KCNH5: variants seen among roughly 807,000 people sequenced by gnomAD.
KCNH5 encodes voltage-gated delayed rectifier potassium channel KCNH5.
In KCNH5, 46 loss-of-function variants were observed where a neutral mutation model predicts 96.1. The observed-to-expected ratio is 0.48, with a 90% CI of 0.38 to 0.61. KCNH5 has a LOEUF of 0.61. KCNH5 is among the 20% of genes least tolerant of loss of function. KCNH5 has a pLI of 0.00. For missense variants in KCNH5, 907 were observed against 1,225.8 expected, an observed-to-expected ratio of 0.74 and a Z score of 3.88; for synonymous variants, 439 against 449.8, an observed-to-expected ratio of 0.98 and a Z score of 0.30.
chr14:62,970,073 T>TAAAAAAAAAAAAA (rs1284748914), intron 6 of KCNH5, among the ~76,000 whole-genome samples: 45 of 112,134 alleles, frequency 4.0e-4, no homozygotes, highest in Non-Finnish European at 4.8e-4. Flanking sequence ...AAAAAAAAAT[T>TAAAAAAAAAAAAA]AAATCAATAA....
intron 10 of KCNH5, among the ~76,000 whole-genome samples, chr14:62,741,498 G>A (rs10147738): frequency 0.051 from 7,783 of 152,082 alleles, 604 homozygotes; most frequent in African/African-American, 0.17. Flanking sequence ...ATTGTAAAAG[G>A]TGTTGCATCT....
At chr14:62,739,991 G>C (rs934775675) in intron 10 of KCNH5, among the ~76,000 whole-genome samples, 5 of 152,120 alleles carry the variant, frequency 3.3e-5, no homozygotes, top group African/African-American at 1.2e-4. Context: ...AACATCTGAA[G>C]CAGCACTGTT....
chr14:62,726,112 C>T (rs577738618), intron 10 of KCNH5, among the ~76,000 whole-genome samples: 1 of 152,232 alleles, frequency 6.6e-6, no homozygotes, highest in East Asian at 1.9e-4. Flanking sequence ...ATAGATGTAT[C>T]TTGACCTTTA....
chr14:62,853,870 G>A (rs1414176976), intron 7 of KCNH5, among the ~76,000 whole-genome samples: 3 of 151,848 alleles, frequency 2.0e-5, no homozygotes, highest in Non-Finnish European at 4.4e-5. Flanking sequence ...AGCTGGGCAT[G>A]GTGGTGCACA....
At chr14:62,906,818 C>CAAGAA (rs1157340219) in intron 7 of KCNH5, among the ~76,000 whole-genome samples, 8 of 152,064 alleles carry the variant, frequency 5.3e-5, no homozygotes, top group Admixed American at 5.2e-4. Flanking sequence ...TCCTCATCAG[C>CAAGAA]AAGAAATGTA....
intron 4 of KCNH5, among the ~76,000 whole-genome samples, chr14:62,991,680 T>C (rs990707494): frequency 6.6e-6 from 1 of 152,052 alleles, no homozygotes; most frequent in African/African-American, 2.4e-5. Flanking sequence ...TCTTTTTATT[T>C]GACTCTGATT....
At chr14:62,971,334 C>T (rs1263981268) in intron 6 of KCNH5, among the ~76,000 whole-genome samples, 1 of 151,996 alleles carries the variant, frequency 6.6e-6, no homozygotes, top group African/African-American at 2.4e-5. Flanking sequence ...AGGAAAACTA[C>T]AAAACTGATG....
At chr14:63,013,746 G>C (rs1298955430) in intron 2 of KCNH5, among the ~76,000 whole-genome samples, 1 of 151,816 alleles carries the variant, frequency 6.6e-6, no homozygotes, top group Non-Finnish European at 1.5e-5. Flanking sequence ...TTCATTTTAG[G>C]CTTTTTTTTA....
In KCNH5 at chr14:62,703,791, T is replaced by C. The variant is rs1427093938; in HGVS notation, c.*3717A>G. 6.6e-6 allele frequency: 1 copy of C among 151,878 alleles called. No individual in the cohort carries two copies. Among genetic ancestry groups the C allele is most frequent in the African/African-American group, 2.4e-5 (1 of 41,420 alleles). 9.4% of individuals were successfully genotyped at this position (151,878 alleles called of 1,614,324 possible). On this transcript the variant is annotated 3_prime_UTR_variant, in exon 11 of 11. Coordinates refer to ENST00000322893, the MANE Select transcript of KCNH5 (RefSeq NM_139318.5). ...GTATGATATGCACATTCTAGATAAATGTTCTCATTACCTACATGGAATTTT... is the reference window on the plus strand; with the variant it reads ...GTATGATATGCACATTCTAGATAAACGTTCTCATTACCTACATGGAATTTT...
chr14:62,843,153 T>A (rs1223635162), intron 8 of KCNH5, among the ~76,000 whole-genome samples: 1 of 152,182 alleles, frequency 6.6e-6, no homozygotes, highest in East Asian at 1.9e-4. Context: ...TAACTACCCA[T>A]CATATAACAA....
chr14:62,719,622 G>C (rs868509678), intron 10 of KCNH5, among the ~76,000 whole-genome samples: 1 of 152,216 alleles, frequency 6.6e-6, no homozygotes, highest in African/African-American at 2.4e-5. Flanking sequence ...GTACAGAATG[G>C]CTAGATTGGT....
intron 2 of KCNH5, among the ~76,000 whole-genome samples, chr14:63,015,164 G>C (rs188285125): frequency 2.2e-4 from 33 of 152,170 alleles, no homozygotes; most frequent in Admixed American, 1.4e-3. Context: ...GGAAGAGAAT[G>C]TTTGAGCAGA....
At chr14:62,727,486 C>T (rs1157487669) in intron 10 of KCNH5, among the ~76,000 whole-genome samples, 1 of 152,034 alleles carries the variant, frequency 6.6e-6, no homozygotes, top group Non-Finnish European at 1.5e-5. Context: ...ATGCTGAGTA[C>T]ATGTATGTGT....
rs1171572349 is a variant in KCNH5, at chr14:62,840,778, C to T, written c.1569+8875G>A. Among the ~76,000 whole-genome samples the T allele has an allele frequency of 1.3e-5, 2 of 151,736 alleles. 1 individual carries two copies. Among genetic ancestry groups the T allele is most frequent in the South Asian group, 4.1e-4 (2 of 4,822 alleles). ...AGAGACAGGGTTTCACCATGTTGTC[C>T]AGGATGGTCTCGCTCCTGACCTCAT... On this transcript the variant is annotated intron_variant, in intron 8 of 10. Transcript: ENST00000322893.
At chr14:62,803,173 G>A (rs1886700151) in intron 8 of KCNH5, among the ~76,000 whole-genome samples, 1 of 152,122 alleles carries the variant, frequency 6.6e-6, no homozygotes, top group Non-Finnish European at 1.5e-5. Flanking sequence ...AAACAGTTTT[G>A]AGGTGGTCAA....
intron 7 of KCNH5, among the ~76,000 whole-genome samples, chr14:62,935,267 A>C (rs983089460): frequency 1.3e-5 from 2 of 152,240 alleles, no homozygotes; most frequent in Non-Finnish European, 2.9e-5. Context: ...AAATACATTT[A>C]TCTCTTCAAG....
At position 63,033,710 on chromosome 14, in the gene KCNH5, A is replaced by G. The variant is rs1323406374; in HGVS notation, c.73+11404T>C. Among the ~76,000 whole-genome samples, 4 of 152,250 alleles carry G rather than the reference A, an allele frequency of 2.6e-5. No individual in the cohort carries two copies. The East Asian group carries it at 7.7e-4, about 29-fold the overall frequency. ...AATTCTGCTTCCTATTTAAAGTCAT[A>G]CAGTCAGTCAATAAATAGTTATAAA... On this transcript the variant is annotated intron_variant, in intron 1 of 10. Transcript: ENST00000322893.
In KCNH5 at chr14:62,950,088, A is replaced by G. The variant is rs41285522; in HGVS notation, c.1369+45T>C. ...CCTATCTGAGATTGTAGCCAGGAAA[A>G]TTGCCAATAACAATAATTTTCAATG... On this transcript the variant is annotated intron_variant, in intron 7 of 10. Transcript: ENST00000322893. The G allele has an allele frequency of 4.5e-3, 7,057 of 1,556,784 alleles. 30 individuals are homozygous for G. The highest frequency in any genetic ancestry group is 7.3e-3 in the South Asian group (651 of 89,008).
At chr14:62,965,827 A>G (rs541654519) in intron 6 of KCNH5, among the ~76,000 whole-genome samples, 6 of 152,134 alleles carry the variant, frequency 3.9e-5, no homozygotes, top group African/African-American at 1.2e-4. Context: ...CTTTGCCATC[A>G]TAGGTAAGAT....
Sources: allele counts gnomAD v4.1 joint callset (sites outside exome capture counted in the v4.1 genomes callset), GRCh38; gene constraint gnomAD v4.1.1; transcripts MANE v1.5; gene names NCBI Gene and HGNC (gene_info 2026-07-23, HGNC 2026-07-21).